Variants in MICU2 observed in about 807,000 individuals in gnomAD.
MICU2 encodes calcium uptake protein 2, mitochondrial.
MICU2 carries 64 observed loss-of-function variants against 60.4 expected under a neutral mutation model. The observed-to-expected ratio is 1.06, with a 90% confidence interval of 0.87 to 1.31. MICU2 has a LOEUF of 1.31. MICU2 is among the 50% of genes most tolerant of loss of function. The probability of loss-of-function intolerance (pLI) is 0.00; values close to 1 mark genes in which losing one functional copy is unlikely to be tolerated. For missense variants in MICU2, 569 were observed against 531.0 expected, an observed-to-expected ratio of 1.07 and a Z score of -0.70; for synonymous variants, 201 against 175.0, an observed-to-expected ratio of 1.15 and a Z score of -1.17.
chr13:21,505,188 TAA>T (rs1317190074), intron 8 of MICU2, among the ~76,000 whole-genome samples: 7 of 152,098 alleles, frequency 4.6e-5, no homozygotes, highest in African/African-American at 1.7e-4. Context: ...AGAATAGAAA[TAA>T]ACTCAGGGAT....
chr13:21,554,961 C>G (rs1887666068), intron 2 of MICU2, among the ~76,000 whole-genome samples: 1 of 152,156 alleles, frequency 6.6e-6, no homozygotes, highest in Non-Finnish European at 1.5e-5. Context: ...TCTCCCAAGA[C>G]TAAATCAGGA....
chr13:21,602,406 C>T (rs543671259), intron 1 of MICU2, among the ~76,000 whole-genome samples: 224 of 152,076 alleles, frequency 1.5e-3, no homozygotes, highest in Non-Finnish European at 2.4e-3. Flanking sequence ...CCTGTAGTCC[C>T]AGCTACTCGG....
intron 1 of MICU2, among the ~76,000 whole-genome samples, chr13:21,573,274 T>C (rs1353848770): frequency 1.9e-5 from 1 of 53,262 alleles, no homozygotes; most frequent in Admixed American, 2.4e-4. Context: ...TAACATACAT[T>C]TTTTTGTTTT....
At chr13:21,562,243 G>C (rs1887863990) in intron 2 of MICU2, among the ~76,000 whole-genome samples, 1 of 151,984 alleles carries the variant, frequency 6.6e-6, no homozygotes, top group Non-Finnish European at 1.5e-5. Context: ...GGGATGGCTG[G>C]GTCAAATGGT....
At chr13:21,515,964 AC>A (rs1376685273) in intron 6 of MICU2, among the ~76,000 whole-genome samples, 8 of 152,218 alleles carry the variant, frequency 5.3e-5, no homozygotes, top group African/African-American at 1.7e-4. Flanking sequence ...GGAACCTCTT[AC>A]AAATTTTTAT....
chr13:21,603,983 C>T lies in MICU2; in HGVS notation c.166G>A (p.Val56Ile). ...CTGCCATCCCGCGCCGCAACACTGA[C>T]GCGGCTGTGGTGCCAGGCCGCTCCT... ...GAGAAWHHSR[V>I]SVAARDGSFT... The change falls in exon 1 of 12, where the codon GTC becomes ATC. Residue 56 changes from valine (V) to isoleucine (I), a missense_variant. Coordinates refer to ENST00000382374, the MANE Select transcript of MICU2 (RefSeq NM_152726.3). 7 of 1,612,144 alleles carry T rather than the reference C, an allele frequency of 4.3e-6. No individual in the cohort carries two copies. In the South Asian group the frequency reaches 4.4e-5, roughly 10 times the overall value.
intron 6 of MICU2, among the ~76,000 whole-genome samples, chr13:21,517,804 C>CGT (rs1555271289): frequency 4.6e-5 from 2 of 43,406 alleles, no homozygotes; most frequent in African/African-American, 7.0e-5. Context: ...CACACACGCG[C>CGT]GCGCGCGCGC....
At chr13:21,603,602 T>TGA in intron 1 of MICU2, 1 of 361,316 alleles carries the variant, frequency 2.8e-6, no homozygotes, top group Non-Finnish European at 5.0e-6. Flanking sequence ...CGAGGCGCAG[T>TGA]GAGATTCTGA....
At chr13:21,501,429 A>G (rs1352073450) in intron 9 of MICU2, among the ~76,000 whole-genome samples, 6 of 151,804 alleles carry the variant, frequency 4.0e-5, no homozygotes, top group Non-Finnish European at 7.4e-5. Context: ...TGCCTGGCTA[A>G]TTTTTTGTAT....
At chr13:21,530,824 G>C in intron 4 of MICU2, 2 of 738,434 alleles carry the variant, frequency 2.7e-6, no homozygotes, top group South Asian at 1.5e-5. Context: ...GGCAAGCCGT[G>C]GTGCCCCCAT....
chr13:21,566,046 T>C (rs1433216598), intron 2 of MICU2, among the ~76,000 whole-genome samples: 1 of 152,222 alleles, frequency 6.6e-6, no homozygotes, highest in Non-Finnish European at 1.5e-5. Flanking sequence ...CTGAATTTAT[T>C]GTCCCTAGAA....
intron 4 of MICU2, among the ~76,000 whole-genome samples, chr13:21,532,468 T>A (rs756961027): frequency 6.6e-6 from 1 of 152,232 alleles, no homozygotes. Flanking sequence ...ATCTTCATTA[T>A]CTCTCACGAG....
Position 21,603,945 on chromosome 13 carries a change from G to A in MICU2, c.204C>T (p.Ser68=), listed in dbSNP as rs370299498. The change falls in exon 1 of 12, where the codon TCC becomes TCT. Residue 68 remains serine (S), a synonymous_variant. Transcript: ENST00000382374. ...GAAGGAGTTAGTCCTGTACCTGTGC[G>A]GAGACTGTAAAACTGCCATCCCGCG... ...VAARDGSFTV[S]AQKNVEHGII... 8.7e-6 allele frequency: 14 copies of A among 1,612,394 alleles called. No individual in the cohort carries two copies. The highest frequency in any genetic ancestry group is 4.0e-5 in the African/African-American group (3 of 74,796).
At chr13:21,504,088 T>C (rs1279800723) in intron 8 of MICU2, among the ~76,000 whole-genome samples, 1 of 152,208 alleles carries the variant, frequency 6.6e-6, no homozygotes, top group Admixed American at 6.5e-5. Context: ...AAACATTTTC[T>C]GAATGTACTG....
At chr13:21,550,604 C>A (rs1005824375) in intron 2 of MICU2, among the ~76,000 whole-genome samples, 2 of 152,050 alleles carry the variant, frequency 1.3e-5, no homozygotes, top group Non-Finnish European at 2.9e-5. Context: ...GAATAACGCT[C>A]ATTATAAAAC....
rs963999761 is a variant in MICU2, at chr13:21,534,892, T to C, written c.466+4410A>G. Among the ~76,000 whole-genome samples the C allele has an allele frequency of 2.6e-5, 4 of 152,130 alleles. No homozygotes were observed. In the East Asian group the frequency reaches 5.8e-4, roughly 22 times the overall value. On this transcript the variant is annotated intron_variant, in intron 4 of 11. Transcript: ENST00000382374. ...TTTATTGGTTTCACAGATGACTTCATAGAGTAGGGTAGCTGAGAAGTGGAA... is the reference window on the plus strand; with the variant it reads ...TTTATTGGTTTCACAGATGACTTCACAGAGTAGGGTAGCTGAGAAGTGGAA...
intron 8 of MICU2, among the ~76,000 whole-genome samples, chr13:21,509,011 A>G (rs968129335): frequency 1.3e-5 from 2 of 152,230 alleles, no homozygotes; most frequent in African/African-American, 4.8e-5. Context: ...AATTTGACAC[A>G]TAATAGCATA....
At chr13:21,564,073 G>A (rs930461011) in intron 2 of MICU2, among the ~76,000 whole-genome samples, 3 of 152,148 alleles carry the variant, frequency 2.0e-5, no homozygotes, top group Admixed American at 6.5e-5. Flanking sequence ...TACTTTAAAT[G>A]CTGTGCACTT....
At chr13:21,580,920 T>C (rs1426711391) in intron 1 of MICU2, among the ~76,000 whole-genome samples, 1 of 152,068 alleles carries the variant, frequency 6.6e-6, no homozygotes. Context: ...GTAAACAGGA[T>C]AAGCTAGTAA....
Sources: gnomAD v4.1 joint callset for allele counts (sites outside exome capture counted in the v4.1 genomes callset) on GRCh38, gnomAD v4.1.1 for gene constraint, MANE v1.5 for transcripts, NCBI Gene and HGNC (gene_info 2026-07-23, HGNC 2026-07-21) for gene names.